Variants in AMY2A observed in about 807,000 individuals in gnomAD.
AMY2A encodes the protein amylase alpha 2A.
Under a neutral mutation model 43.0 loss-of-function variants are expected in AMY2A, and 16 were observed. That is an observed-to-expected ratio of 0.37 (90% CI 0.25 to 0.56). The LOEUF is 0.56. Among genes scored for constraint, AMY2A ranks in the 20% least tolerant of loss-of-function variants. AMY2A has a pLI of 0.77. For synonymous variants in AMY2A, 70 were observed against 144.6 expected (o/e 0.48, Z 3.70); for missense variants, 212 against 456.8 (o/e 0.46, Z 4.89).
At chr1:103,619,188 T>C (rs547412282) in intron 3 of AMY2A, 80 bp downstream of exon 3, 28 of 587,784 alleles carry the variant, frequency 4.8e-5, no homozygotes, top group African/African-American at 4.3e-4. Flanking sequence ...TTGAATTTCA[T>C]TTAAAATAGG....
Position 103,618,744 on chromosome 1 carries a change from T to A in AMY2A, c.316-167T>A, listed in dbSNP as rs1197265056. On this transcript the variant is annotated intron_variant, in intron 2 of 9. Transcript: ENST00000414303. ...TCTAGAAGGCATGTAGGTGTTTAGTTCACATTACTTTCCTTTCACAGTTGA... is the reference window on the plus strand; with the variant it reads ...TCTAGAAGGCATGTAGGTGTTTAGTACACATTACTTTCCTTTCACAGTTGA... 3.3e-5 allele frequency among the ~76,000 whole-genome samples: 5 copies of A among 150,734 alleles called. 1 individual carries two copies.
intron 1 of AMY2A, 31 bp from the exon 2 acceptor site, chr1:103,617,923 T>A (rs1391620873): frequency 1.3e-6 from 2 of 1,600,006 alleles, no homozygotes; most frequent in African/African-American, 2.7e-5. Flanking sequence ...AAGACAGAAT[T>A]TGGTACTTAT....
intron 1 of AMY2A, 68 bp from the exon 2 acceptor site, chr1:103,617,886 T>A (rs1207799773): frequency 1.9e-6 from 3 of 1,595,212 alleles, no homozygotes; most frequent in East Asian, 4.5e-5. Flanking sequence ...TATTGATTAG[T>A]TTCTAGAACA....
chr1:103,619,096 T>A lies in AMY2A; in HGVS notation c.501T>A (p.Asn167Lys). 1 of 1,128,286 alleles carries A rather than the reference T, an allele frequency of 8.9e-7. No individual in the cohort carries two copies. The highest frequency in any genetic ancestry group is 1.2e-6 in the Non-Finnish European group (1 of 815,314). The allele number at this position is 1,128,286 out of a possible 1,614,324, so 69.9% of individuals were successfully genotyped here. The change falls in exon 3 of 10, where the codon AAT becomes AAA. Residue 167 changes from asparagine (N) to lysine (K), a missense_variant. This residue lies in a region of AMY2A where 199 missense variants were observed against 210.6 expected (regional missense o/e 0.94). Transcript: ENST00000414303. Reference sequence around the variant, plus strand: ...GAAGTGGAGATATCGAGAACTACAATGATGCTACTCAGGTAATTTTTTTAC... The same window carrying A: ...GAAGTGGAGATATCGAGAACTACAAAGATGCTACTCAGGTAATTTTTTTAC... ...KTGSGDIENY[N>K]DATQVRDCRL...
At position 103,617,977 on chromosome 1, in the gene AMY2A, T is replaced by C; in HGVS notation, c.192T>C (p.Val64=). 6.2e-7 allele frequency: 1 copy of C among 1,600,706 alleles called. No homozygotes were observed. The highest frequency in any genetic ancestry group is 1.1e-5 in the South Asian group (1 of 90,866). ...AGGTCTCTCCACCAAATGAAAATGT[T>C]GCAATTTACAACCCTTTCAGACCTT... The part of the protein sequence containing the change: ...GVQVSPPNEN[V]AIYNPFRPWW... The change falls in exon 2 of 10, where the codon GTT becomes GTC. Residue 64 remains valine, a synonymous_variant. Coordinates refer to ENST00000414303, the MANE Select transcript of AMY2A (RefSeq NM_000699.4).
intron 1 of AMY2A, 37 bp from the exon 2 acceptor site, chr1:103,617,917 C>T (rs761330750): frequency 1.3e-6 from 2 of 1,599,802 alleles, no homozygotes; most frequent in Non-Finnish European, 8.5e-7. Flanking sequence ...CACAGTAAGA[C>T]AGAATTTGGT....
chr1:103,618,656 C>A lies in AMY2A; in HGVS notation c.316-255C>A, dbSNP rs191685175. Among the ~76,000 whole-genome samples the A allele has an allele frequency of 4.4e-4, 67 of 150,736 alleles. No individual in the cohort carries two copies. The South Asian group carries it at 9.6e-3, about 22-fold the overall frequency. ...TTCCCAAAGTGGGCTTTTTGCATTT[C>A]CTCCTATTTATGGTAGTTTCTGGTC... is the stretch of plus-strand genomic sequence containing the variant. On this transcript the variant is annotated intron_variant, in intron 2 of 9. Transcript: ENST00000414303.
chr1:103,617,875 C>G, intron 1 of AMY2A, 79 bp from the exon 2 acceptor site: 2 of 1,589,274 alleles, frequency 1.3e-6, no homozygotes, highest in Admixed American at 1.7e-5. Context: ...ATCTTTTATA[C>G]TATTGATTAG....
upstream of AMY2A, chr1:103,617,239 C>T: frequency 8.2e-7 from 1 of 1,223,060 alleles, no homozygotes. Context: ...ACATTAATAT[C>T]TAAAAGGTCA....
chr1:103,619,185 T>A (rs1653164602), intron 3 of AMY2A, 77 bp downstream of exon 3: 1 of 588,356 alleles, frequency 1.7e-6, no homozygotes, highest in Non-Finnish European at 2.9e-6. Flanking sequence ...TAATTGAATT[T>A]CATTTAAAAT....
At chr1:103,624,864 A>G (rs1653278965) in intron 9 of AMY2A, among the ~76,000 whole-genome samples, 1 of 131,094 alleles carries the variant, frequency 7.6e-6, no homozygotes, top group African/African-American at 3.1e-5. Context: ...TATCTAAGAT[A>G]TAGCTCAGAA....
Position 103,618,892 on chromosome 1 carries a change from T to A in AMY2A, c.316-19T>A. 1 of 921,286 alleles carries A rather than the reference T, an allele frequency of 1.1e-6. No individual in the cohort carries two copies. Among genetic ancestry groups the A allele is most frequent in the Non-Finnish European group, 1.6e-6 (1 of 622,006 alleles). 57.1% of individuals were successfully genotyped at this position (921,286 alleles called of 1,614,324 possible). ...TACCTCTCTGTAAGTCACACTGAAG[T>A]AGAAACTTTGTTTTCTAGGTTCGTA... is the stretch of plus-strand genomic sequence containing the variant. On this transcript the variant is annotated intron_variant, in intron 2 of 9. Coordinates refer to ENST00000414303, the MANE Select transcript of AMY2A (RefSeq NM_000699.4).
In AMY2A at chr1:103,619,121, CGA is replaced by C; in HGVS notation, c.513+17_513+18del. ...TGATGCTACTCAGGTAATTTTTTTA[CGA>C]GAGTGATCTGAATAAAAGAGTAATA... On this transcript the variant is annotated intron_variant, in intron 3 of 9. Coordinates refer to ENST00000414303, the MANE Select transcript of AMY2A (RefSeq NM_000699.4). The C allele has an allele frequency of 1.1e-6, 1 of 885,496 alleles. No homozygotes were observed. Among genetic ancestry groups the C allele is most frequent in the Non-Finnish European group, 1.7e-6 (1 of 602,650 alleles). The allele number at this position is 885,496 out of a possible 1,614,324, so 54.9% of individuals were successfully genotyped here.
upstream of AMY2A, chr1:103,617,091 AG>A (rs1235649521): frequency 1.0e-6 from 1 of 994,568 alleles, no homozygotes; most frequent in Non-Finnish European, 1.3e-6. Flanking sequence ...ATTTATGTAA[AG>A]TTTTTTTGTA....
At chr1:103,618,380 A>C (rs946877061) in intron 2 of AMY2A, among the ~76,000 whole-genome samples, 1 of 150,736 alleles carries the variant, frequency 6.6e-6, no homozygotes, top group Non-Finnish European at 1.5e-5. Flanking sequence ...TCCCGGAAAC[A>C]ATTTACTGGT....
At chr1:103,617,667 C>A in intron 1 of AMY2A, 59 bp downstream of exon 1, 1 of 1,599,678 alleles carries the variant, frequency 6.3e-7, no homozygotes, top group Non-Finnish European at 8.5e-7. Context: ...AAATAGTATT[C>A]TGATCTTATC....
At chr1:103,617,904 A>G (rs1344651754) in intron 1 of AMY2A, 50 bp from the exon 2 acceptor site, 2 of 1,599,178 alleles carry the variant, frequency 1.3e-6, no homozygotes, top group East Asian at 2.2e-5. Context: ...ACATTCAATG[A>G]TACACAGTAA....
At chr1:103,618,281 C>A (rs1653135700) in intron 2 of AMY2A, among the ~76,000 whole-genome samples, 181 bp downstream of exon 2, 1 of 150,582 alleles carries the variant, frequency 6.6e-6, no homozygotes, top group Non-Finnish European at 1.5e-5. Flanking sequence ...TGTGTGTGTG[C>A]TATCTACTAA....
At chr1:103,618,343 A>T (rs1653136992) in intron 2 of AMY2A, among the ~76,000 whole-genome samples, 1 of 150,700 alleles carries the variant, frequency 6.6e-6, no homozygotes, top group African/African-American at 2.4e-5. Context: ...AAAACATCAA[A>T]TTTTAACCCT....
Sources: gnomAD v4.1 joint callset for allele counts (sites outside exome capture counted in the v4.1 genomes callset) on GRCh38, gnomAD v4.1.1 for gene constraint, gnomAD v4.1.1 regional missense constraint, MANE v1.5 for transcripts, NCBI Gene and HGNC (gene_info 2026-07-23, HGNC 2026-07-21) for gene names.